Variants in LIMK1 observed in about 807,000 individuals in gnomAD.
LIMK1 encodes the protein LIM motif-containing protein kinase.
A neutral mutation model predicts 77.6 loss-of-function variants in LIMK1; 21 were observed. The observed-to-expected ratio is 0.27, with a 90% CI of 0.19 to 0.39. The LOEUF (loss-of-function observed/expected upper bound fraction) is 0.39. Among genes scored for constraint, LIMK1 ranks in the 10% least tolerant of loss-of-function variants. The probability of loss-of-function intolerance (pLI) is 1.00; values close to 1 mark genes in which losing one functional copy is unlikely to be tolerated. For missense variants in LIMK1, 696 were observed against 901.6 expected (o/e 0.77, Z 2.92); for synonymous variants, 358 against 370.0 (o/e 0.97, Z 0.37).
At chr7:74,113,049 AG>A (rs1171595358) in intron 12 of LIMK1, among the ~76,000 whole-genome samples, 1 of 151,832 alleles carries the variant, frequency 6.6e-6, no homozygotes, top group Non-Finnish European at 1.5e-5. Context: ...TGCTGGGCAC[AG>A]TGGCTCACAC....
rs532819357 is a variant in LIMK1 at position 74,088,246 on chromosome 7, G to C, written c.152+2402G>C. Reference sequence around the variant, plus strand: ...TTGATGAAAGTCACACAGCCAGTGAGTGAAATGAACACACTCAGTGTGGCT... The same window carrying C: ...TTGATGAAAGTCACACAGCCAGTGACTGAAATGAACACACTCAGTGTGGCT... On this transcript the variant is annotated intron_variant, in intron 2 of 15. Transcript: ENST00000336180. Among the ~76,000 whole-genome samples the C allele has an allele frequency of 2.6e-5, 4 of 152,350 alleles. No homozygotes were observed. The East Asian group carries it at 7.7e-4, about 29-fold the overall frequency.
chr7:74,111,805 TG>T, intron 11 of LIMK1, 98 bp downstream of exon 11: 1 of 1,433,444 alleles, frequency 7.0e-7, no homozygotes, highest in South Asian at 1.2e-5. Context: ...AGGGGGTCGA[TG>T]GGAGAGTGGG....
rs145367551 is a variant in LIMK1 at position 74,121,477 on chromosome 7, TGGCCCAGAGCC to T, written c.*184_*194del. The T allele has an allele frequency of 0.034, 21,935 of 646,462 alleles. 464 individuals carry two copies. Among genetic ancestry groups the T allele is most frequent in the East Asian group, 0.055 (1,942 of 35,594 alleles). 40.0% of individuals were successfully genotyped at this position (646,462 alleles called of 1,614,324 possible). On this transcript the variant is annotated 3_prime_UTR_variant, in exon 16 of 16. Coordinates refer to ENST00000336180, the MANE Select transcript of LIMK1 (RefSeq NM_002314.4). Reference sequence around the variant, plus strand: ...CGCTTCCCCTGCCTTCTCTCTGCCGTGGCCCAGAGCCGGCCCAGCTGCACACACACACCATG... The same window carrying T: ...CGCTTCCCCTGCCTTCTCTCTGCCGTGGCCCAGCTGCACACACACACCATG...
chr7:74,120,909 C>T lies in LIMK1; in HGVS notation c.1641C>T (p.Asn547=), dbSNP rs782371813. Residue 547 remains asparagine, a synonymous_variant, in exon 15 of 16, where the codon AAC becomes AAT. Transcript: ENST00000336180. ...CTGGACAGATCATCGGGCGGGTGAA[C>T]GCAGACCCTGACTACCTGCCCCGCA... ...IVLCEIIGRV[N]ADPDYLPRTM... 1.1e-5 allele frequency: 18 copies of T among 1,614,158 alleles called. No individual in the cohort carries two copies. The highest frequency in any genetic ancestry group is 4.5e-5 in the East Asian group (2 of 44,884).
chr7:74,116,943 G>A (rs1459396629), intron 13 of LIMK1, among the ~76,000 whole-genome samples: 1 of 151,710 alleles, frequency 6.6e-6, no homozygotes, highest in African/African-American at 2.4e-5. Flanking sequence ...GTGCAGTGGC[G>A]TGATCTCAGC....
intron 12 of LIMK1, among the ~76,000 whole-genome samples, 163 bp downstream of exon 12, chr7:74,112,161 G>A (rs1421638490): frequency 6.6e-6 from 1 of 152,160 alleles, no homozygotes; most frequent in Non-Finnish European, 1.5e-5. Flanking sequence ...AGAGCGCAGG[G>A]TCAGGAGGCA....
chr7:74,108,763 G>A (rs1799634885), intron 9 of LIMK1, 142 bp from the exon 10 acceptor site: 4 of 1,350,370 alleles, frequency 3.0e-6, no homozygotes, highest in Non-Finnish European at 3.0e-6. Context: ...CAGAGGGTGT[G>A]GCAGAGGCAG....
chr7:74,096,069 A>C (rs1799332099), intron 2 of LIMK1, among the ~76,000 whole-genome samples: 2 of 149,328 alleles, frequency 1.3e-5, no homozygotes, highest in South Asian at 4.2e-4. Flanking sequence ...GGTTCAAGCG[A>C]TTCTTCTGCC....
intron 13 of LIMK1, among the ~76,000 whole-genome samples, chr7:74,120,309 C>G (rs1269145449): frequency 6.6e-6 from 1 of 152,238 alleles, no homozygotes; most frequent in African/African-American, 2.4e-5. Flanking sequence ...GCACAGAGTT[C>G]ATGACTTGTG....
In LIMK1 at chr7:74,115,885, C is replaced by T; in HGVS notation, c.1494C>T (p.Leu498=). 8.7e-6 allele frequency: 14 copies of T among 1,614,174 alleles called. No homozygotes were observed. Among genetic ancestry groups the T allele is most frequent in the Non-Finnish European group, 1.2e-5 (14 of 1,180,016 alleles). ...CTCAGCCTGAGGGCCTGCGGAGCCT[C>T]AAGAAGCCAGACCGCAAGAAGCGCT... ...EKTQPEGLRS[L]KKPDRKKRYT... Residue 498 remains leucine, a synonymous_variant, in exon 13 of 16, where the codon CTC becomes CTT. Coordinates refer to ENST00000336180, the MANE Select transcript of LIMK1 (RefSeq NM_002314.4).
At position 74,083,952 on chromosome 7, in the gene LIMK1, C is replaced by T. The variant is rs1281988220; in HGVS notation, c.-39C>T. On this transcript the variant is annotated 5_prime_UTR_variant, in exon 1 of 16. Coordinates refer to ENST00000336180, the MANE Select transcript of LIMK1 (RefSeq NM_002314.4). ...GCGAGCTCGCGGGCCCGGCCGCCCCCAGCCCCAGCCCCGCCGGGCCCCGCC... is the reference window on the plus strand; with the variant it reads ...GCGAGCTCGCGGGCCCGGCCGCCCCTAGCCCCAGCCCCGCCGGGCCCCGCC... The T allele has an allele frequency of 5.2e-6, 5 of 966,102 alleles. No homozygotes were observed. Among genetic ancestry groups the T allele is most frequent in the Non-Finnish European group, 6.8e-6 (5 of 739,778 alleles). The allele number at this position is 966,102 out of a possible 1,614,324, so 59.8% of individuals were successfully genotyped here.
chr7:74,106,704 G>T (rs997389947), intron 7 of LIMK1, among the ~76,000 whole-genome samples: 2 of 152,164 alleles, frequency 1.3e-5, no homozygotes, highest in African/African-American at 4.8e-5. Context: ...AGGTTGCAGT[G>T]AGCCAAGGTC....
At position 74,090,473 on chromosome 7, in the gene LIMK1, A is replaced by G. The variant is rs550590979; in HGVS notation, c.152+4629A>G. Among the ~76,000 whole-genome samples the G allele has an allele frequency of 2.0e-5, 3 of 152,282 alleles. No homozygotes were observed. The South Asian group carries it at 6.2e-4, about 32-fold the overall frequency. On this transcript the variant is annotated intron_variant, in intron 2 of 15. Transcript: ENST00000336180. ...GGTGTGATACTCCCAACAGTCCCCA[A>G]AGCTGGTGGTCCTCACCGCGTGACA...
chr7:74,087,664 A>G (rs1799158490), intron 2 of LIMK1, among the ~76,000 whole-genome samples: 1 of 152,046 alleles, frequency 6.6e-6, no homozygotes, highest in African/African-American at 2.4e-5. Context: ...ATCCCTCCTC[A>G]CTGCAACCTC....
intron 2 of LIMK1, among the ~76,000 whole-genome samples, chr7:74,090,375 G>GA (rs67570180): frequency 0.88 from 130,353 of 148,364 alleles, 58,281 homozygotes; most frequent in Non-Finnish European, 0.96. Context: ...ACTCCATCTC[G>GA]AAAAAAAAAA....
chr7:74,107,848 ACACCTCTGTGTCCCACACG>A lies in LIMK1; in HGVS notation c.1066-20_1066-2del. On this transcript the variant is annotated splice_region_variant and splice_polypyrimidine_tract_variant and intron_variant, in intron 8 of 15. Coordinates refer to ENST00000336180, the MANE Select transcript of LIMK1 (RefSeq NM_002314.4). ...GGCTTACAGCAGAGCTTCTGTCTTCACACCTCTGTGTCCCACACGCAGGTGACACACCGTGAGACAGGTG... is the reference window on the plus strand; with the variant it reads ...GGCTTACAGCAGAGCTTCTGTCTTCACAGGTGACACACCGTGAGACAGGTG... The A allele has an allele frequency of 6.5e-7, 1 of 1,547,494 alleles. No individual in the cohort carries two copies. The highest frequency in any genetic ancestry group is 8.8e-7 in the Non-Finnish European group (1 of 1,141,790).
intron 4 of LIMK1, 53 bp downstream of exon 4, chr7:74,097,242 C>A: frequency 8.2e-7 from 1 of 1,213,644 alleles, no homozygotes; most frequent in Non-Finnish European, 1.2e-6. Flanking sequence ...TGTCACAGAT[C>A]TGCAAGGGTG....
At chr7:74,103,774 A>G (rs535697418) in intron 5 of LIMK1, among the ~76,000 whole-genome samples, 173 of 152,022 alleles carry the variant, frequency 1.1e-3, no homozygotes, top group African/African-American at 3.0e-3. Flanking sequence ...CTTCTCCCCC[A>G]TACGAGAATA....
chr7:74,112,067 GGCCTTCCC>G (rs1799711009), intron 12 of LIMK1, 69 bp downstream of exon 12: 1 of 1,280,484 alleles, frequency 7.8e-7, no homozygotes, highest in Admixed American at 2.1e-5. Context: ...CCAGCCTCAG[GGCCTTCCC>G]AGAACTGGAG....
Sources: allele counts gnomAD v4.1 joint callset (sites outside exome capture counted in the v4.1 genomes callset), GRCh38; gene constraint gnomAD v4.1.1; transcripts MANE v1.5; gene names NCBI Gene and HGNC (gene_info 2026-07-23, HGNC 2026-07-21).